Variants in ST8SIA1 observed in about 807,000 individuals in gnomAD.
ST8SIA1 encodes ST8 alpha-N-acetyl-neuraminide alpha-2,8-sialyltransferase 1.
Under a neutral mutation model 35.9 loss-of-function variants are expected in ST8SIA1, and 16 were observed. That is an observed-to-expected ratio of 0.45 (90% CI 0.30 to 0.68). The LOEUF (loss-of-function observed/expected upper bound fraction) is 0.68. Among genes scored for constraint, ST8SIA1 ranks in the 30% least tolerant of loss-of-function variants. The probability of loss-of-function intolerance (pLI) is 0.09; values close to 1 mark genes in which losing one functional copy is unlikely to be tolerated. For missense variants in ST8SIA1, 383 were observed against 453.6 expected, an observed-to-expected ratio of 0.84 and a Z score of 1.41; for synonymous variants, 170 against 169.6, an observed-to-expected ratio of 1.00 and a Z score of -0.02.
At chr12:22,280,795 A>G (rs1591842992) in intron 2 of ST8SIA1, among the ~76,000 whole-genome samples, 1 of 152,350 alleles carries the variant, frequency 6.6e-6, no homozygotes, top group African/African-American at 2.4e-5. Flanking sequence ...TTGGACATCC[A>G]GTGATGATCC....
At chr12:22,245,525 A>G (rs973318458) in intron 4 of ST8SIA1, among the ~76,000 whole-genome samples, 1 of 152,262 alleles carries the variant, frequency 6.6e-6, no homozygotes, top group African/African-American at 2.4e-5. Context: ...ACCTGTGAAA[A>G]TGCTACTGTC....
intron 1 of ST8SIA1, among the ~76,000 whole-genome samples, chr12:22,327,620 T>G (rs1394091884): frequency 1.3e-5 from 2 of 152,298 alleles, no homozygotes; most frequent in African/African-American, 4.8e-5. Flanking sequence ...ATGTGGCCCC[T>G]TAAAGTATAG....
chr12:22,259,593 G>A (rs1316909341), intron 2 of ST8SIA1, among the ~76,000 whole-genome samples: 1 of 151,660 alleles, frequency 6.6e-6, no homozygotes, highest in Non-Finnish European at 1.5e-5. Context: ...GGCCTCCCGA[G>A]TAGCTGGGAC....
chr12:22,229,453 C>T (rs1335166401), intron 4 of ST8SIA1, among the ~76,000 whole-genome samples: 1 of 151,364 alleles, frequency 6.6e-6, no homozygotes, highest in African/African-American at 2.4e-5. Context: ...CTTGTCTCTA[C>T]AAAAATCAAA....
At chr12:22,286,633 G>A (rs1483172794) in intron 2 of ST8SIA1, 1 of 456,268 alleles carries the variant, frequency 2.2e-6, no homozygotes, top group Non-Finnish European at 4.3e-6. Flanking sequence ...AGTAAGCAAA[G>A]CTTGATTTAG....
chr12:22,308,662 C>T (rs74359303), intron 1 of ST8SIA1, among the ~76,000 whole-genome samples: 1,905 of 152,240 alleles, frequency 0.013, 43 homozygotes, highest in African/African-American at 0.043. Flanking sequence ...TCCATTACCT[C>T]TACTGAAACT....
At chr12:22,223,776 TTAAA>T in intron 4 of ST8SIA1, 1 of 1,258,344 alleles carries the variant, frequency 7.9e-7, no homozygotes, top group South Asian at 1.3e-5. Context: ...TAAAATCCCT[TTAAA>T]TAAACCCATT....
intron 3 of ST8SIA1, among the ~76,000 whole-genome samples, chr12:22,249,390 T>C (rs1316188881): frequency 6.6e-6 from 1 of 152,006 alleles, no homozygotes; most frequent in Non-Finnish European, 1.5e-5. Flanking sequence ...GGCTAATTTT[T>C]TTTGTATTTT....
intron 4 of ST8SIA1, 133 bp from the exon 5 acceptor site, chr12:22,202,171 T>C (rs1377227413): frequency 2.5e-6 from 2 of 788,614 alleles, no homozygotes; most frequent in Non-Finnish European, 3.9e-6. Context: ...ACTTTATTTG[T>C]ATTTAAAATC....
chr12:22,219,438 C>T (rs1865272482), intron 4 of ST8SIA1, among the ~76,000 whole-genome samples: 1 of 152,038 alleles, frequency 6.6e-6, no homozygotes, highest in Non-Finnish European at 1.5e-5. Context: ...AAGGGAGCAC[C>T]AGCTGCACTT....
chr12:22,239,187 C>T (rs1865510883), intron 4 of ST8SIA1, among the ~76,000 whole-genome samples: 2 of 152,052 alleles, frequency 1.3e-5, no homozygotes, highest in African/African-American at 4.8e-5. Context: ...TGTCTGTTTG[C>T]ATTTTTAAAA....
At chr12:22,333,674 G>C (rs1350291525) in intron 1 of ST8SIA1, among the ~76,000 whole-genome samples, 1 of 152,244 alleles carries the variant, frequency 6.6e-6, no homozygotes, top group East Asian at 1.9e-4. Flanking sequence ...AAGTGCAAGA[G>C]ACTAAGTTAT....
At chr12:22,216,461 A>G (rs1865234777) in intron 4 of ST8SIA1, among the ~76,000 whole-genome samples, 1 of 152,168 alleles carries the variant, frequency 6.6e-6, no homozygotes, top group Admixed American at 6.5e-5. Context: ...TGTTCTGTCT[A>G]AAGTGAATGC....
intron 1 of ST8SIA1, among the ~76,000 whole-genome samples, chr12:22,330,446 T>C (rs1423299642): frequency 3.9e-5 from 6 of 152,204 alleles, no homozygotes; most frequent in African/African-American, 1.4e-4. Flanking sequence ...GACTTACCAA[T>C]GATTGCACAA....
chr12:22,199,424 T>C lies in ST8SIA1; in HGVS notation c.*2128A>G, dbSNP rs1865026362. ...ATTTTTAATGGTAGACTAGTAAAAA[T>C]GTATTCTTTTTTAGGTAACTGCTAA... On this transcript the variant is annotated 3_prime_UTR_variant, in exon 5 of 5. Transcript: ENST00000396037. 6.6e-6 allele frequency: 1 copy of C among 152,306 alleles called. No individual in the cohort carries two copies. Among genetic ancestry groups the C allele is most frequent in the East Asian group, 1.9e-4 (1 of 5,190 alleles). 9.4% of individuals were successfully genotyped at this position (152,306 alleles called of 1,614,324 possible).
At chr12:22,236,316 A>C (rs1244678920) in intron 4 of ST8SIA1, among the ~76,000 whole-genome samples, 3 of 152,120 alleles carry the variant, frequency 2.0e-5, no homozygotes, top group Non-Finnish European at 1.5e-5. Context: ...TTCAAAACAA[A>C]ATTCTGGTGC....
chr12:22,318,208 T>C (rs146371296), intron 1 of ST8SIA1, among the ~76,000 whole-genome samples: 2 of 152,362 alleles, frequency 1.3e-5, no homozygotes, highest in African/African-American at 2.4e-5. Flanking sequence ...CTCAAAACAT[T>C]ATCACATAGA....
intron 4 of ST8SIA1, among the ~76,000 whole-genome samples, chr12:22,235,081 G>C (rs1259692945): frequency 6.6e-6 from 1 of 152,126 alleles, no homozygotes; most frequent in African/African-American, 2.4e-5. Context: ...GGGTGTGTGT[G>C]TCCAAAGAGA....
chr12:22,251,808 G>T (rs896592411), intron 3 of ST8SIA1, among the ~76,000 whole-genome samples: 3 of 152,318 alleles, frequency 2.0e-5, no homozygotes, highest in Admixed American at 2.0e-4. Flanking sequence ...AATATTCTTT[G>T]AATTGGGATG....
Sources: allele counts gnomAD v4.1 joint callset (sites outside exome capture counted in the v4.1 genomes callset), GRCh38; gene constraint gnomAD v4.1.1; transcripts MANE v1.5; gene names NCBI Gene and HGNC (gene_info 2026-07-23, HGNC 2026-07-21).